ITGAL: variants seen among roughly 807,000 people sequenced by gnomAD.
ITGAL encodes integrin subunit alpha L.
ITGAL carries 68 observed loss-of-function variants against 138.4 expected under a neutral mutation model. That is an observed-to-expected ratio of 0.49 (90% confidence interval 0.40 to 0.60). ITGAL has a LOEUF of 0.60. Among genes scored for constraint, ITGAL ranks in the 20% least tolerant of loss-of-function variants. The pLI is 0.00. For synonymous variants in ITGAL, 561 were observed against 584.3 expected (o/e 0.96, Z 0.57); for missense variants, 1,256 against 1,478.6 (o/e 0.85, Z 2.47).
chr16:30,496,348 A>G (rs1235134054), intron 14 of ITGAL, 54 bp downstream of exon 14: 4 of 1,607,780 alleles, frequency 2.5e-6, no homozygotes, highest in Non-Finnish European at 3.4e-6. Context: ...CTAAGCCCCC[A>G]AGCCCAGACC....
At chr16:30,517,522 AG>A in intron 26 of ITGAL, 126 bp from the exon 27 acceptor site, 1 of 753,780 alleles carries the variant, frequency 1.3e-6, no homozygotes, top group Non-Finnish European at 2.3e-6. Flanking sequence ...GGATGAATTC[AG>A]GTCCTGCTGG....
At chr16:30,517,465 G>GA (rs937113323) in intron 26 of ITGAL, among the ~76,000 whole-genome samples, 184 bp from the exon 27 acceptor site, 4 of 150,860 alleles carry the variant, frequency 2.7e-5, no homozygotes, top group South Asian at 2.1e-4. Context: ...CTCTAACAAA[G>GA]AAAAAAAAAT....
chr16:30,485,350 C>T (rs1279127595), intron 9 of ITGAL, among the ~76,000 whole-genome samples: 2 of 118,804 alleles, frequency 1.7e-5, no homozygotes, highest in African/African-American at 6.4e-5. Flanking sequence ...CCTCAGCCTC[C>T]CGAGCAGCTG....
At chr16:30,519,382 CAA>C (rs1282462433) in intron 29 of ITGAL, among the ~76,000 whole-genome samples, 2 of 136,458 alleles carry the variant, frequency 1.5e-5, no homozygotes, top group Admixed American at 7.4e-5. Context: ...GACCTTATCT[CAA>C]AAAAAAAAAA....
chr16:30,503,286 G>T (rs998809222), intron 17 of ITGAL, among the ~76,000 whole-genome samples: 1 of 151,948 alleles, frequency 6.6e-6, no homozygotes, highest in East Asian at 1.9e-4. Flanking sequence ...CCTCTTATAA[G>T]ATTTAGACAT....
chr16:30,520,118 C>T, intron 30 of ITGAL, 151 bp downstream of exon 30: 1 of 619,758 alleles, frequency 1.6e-6, no homozygotes, highest in Non-Finnish European at 2.9e-6. Flanking sequence ...CCTCCTTCAA[C>T]AGAGAAGGCT....
At chr16:30,511,253 T>C (rs1423171379) in intron 24 of ITGAL, 117 bp downstream of exon 24, 1 of 789,772 alleles carries the variant, frequency 1.3e-6, no homozygotes, top group African/African-American at 1.7e-5. Context: ...TTAGAGCCCC[T>C]TGGGGTAATT....
At position 30,505,199 on chromosome 16, in the gene ITGAL, A is replaced by G. The variant is rs748925512; in HGVS notation, c.2236-45A>G. The G allele has an allele frequency of 2.1e-5, 32 of 1,511,678 alleles. No individual in the cohort carries two copies. The South Asian group carries it at 3.1e-4, about 15-fold the overall frequency. 93.6% of individuals were successfully genotyped at this position (1,511,678 alleles called of 1,614,324 possible). On this transcript the variant is annotated intron_variant, in intron 18 of 30. Coordinates refer to ENST00000356798, the MANE Select transcript of ITGAL (RefSeq NM_002209.3). ...TCTCCTTCATGAGGTCTGCTGCCTC[A>G]GTTAATCTCTCCTCTCTCCATCCTG...
chr16:30,517,473 A>T (rs1481834810), intron 26 of ITGAL, among the ~76,000 whole-genome samples, 176 bp from the exon 27 acceptor site: 2 of 152,024 alleles, frequency 1.3e-5, no homozygotes, highest in Non-Finnish European at 2.9e-5. Context: ...AAGAAAAAAA[A>T]ATCAAGGGGG....
chr16:30,512,308 C>T (rs2051101831), intron 24 of ITGAL, among the ~76,000 whole-genome samples: 1 of 152,074 alleles, frequency 6.6e-6, no homozygotes, highest in South Asian at 2.1e-4. Context: ...GAAACTTGGC[C>T]AGGTGTGGTG....
At position 30,521,508 on chromosome 16, in the gene ITGAL, G is replaced by A. The variant is rs141012481; in HGVS notation, c.3356G>A (p.Arg1119Gln). The change falls in exon 31 of 31, where the codon CGG becomes CAG. Residue 1119 changes from arginine to glutamine, a missense_variant. Arg to Gln is a conservative substitution (Grantham distance 43). Around this residue, in one of 3 missense-constraint regions of ITGAL, gnomAD observed 867 missense variants for 972.5 expected, o/e 0.89. Transcript: ENST00000356798. ...TTTGTACAGGTTGGTTTCTTCAAAC[G>A]GAACCTGAAGGAGAAGATGGAGGCT... ...IVLYKVGFFK[R>Q]NLKEKMEAGR... 3.7e-6 allele frequency: 6 copies of A among 1,613,946 alleles called. No homozygotes were observed. The highest frequency in any genetic ancestry group is 1.7e-5 in the Admixed American group (1 of 59,964).
Position 30,489,271 on chromosome 16 carries a change from G to A in ITGAL, c.1098G>A (p.Gly366=), listed in dbSNP as rs2050691382. ...ADLSRGHAVV[G]AVGAKDWAGG... Reference sequence around the variant, plus strand: ...CTGGGCAGGGCCATGCAGTCGTGGGGGCAGTAGGAGCCAAGGACTGGGCTG... The same window carrying A: ...CTGGGCAGGGCCATGCAGTCGTGGGAGCAGTAGGAGCCAAGGACTGGGCTG... The change falls in exon 11 of 31, where the codon GGG becomes GGA. Residue 366 remains glycine, a synonymous_variant. Coordinates refer to ENST00000356798, the MANE Select transcript of ITGAL (RefSeq NM_002209.3). The A allele has an allele frequency of 1.2e-6, 2 of 1,613,876 alleles. No individual in the cohort carries two copies. Among genetic ancestry groups the A allele is most frequent in the African/African-American group, 1.3e-5 (1 of 74,924 alleles).
intron 6 of ITGAL, among the ~76,000 whole-genome samples, chr16:30,479,965 A>T (rs2050530633): frequency 6.9e-6 from 1 of 144,180 alleles, no homozygotes; most frequent in Admixed American, 7.0e-5. Flanking sequence ...TCTTTTTGAG[A>T]CAGGGTCTCA....
At chr16:30,501,103 C>G (rs1029318913) in intron 17 of ITGAL, among the ~76,000 whole-genome samples, 6 of 152,084 alleles carry the variant, frequency 3.9e-5, no homozygotes, top group Non-Finnish European at 7.3e-5. Context: ...ACCTTGGCCT[C>G]CAAAAGTGCT....
intron 17 of ITGAL, among the ~76,000 whole-genome samples, chr16:30,503,471 C>A (rs1597094131): frequency 4.6e-5 from 5 of 107,678 alleles, no homozygotes; most frequent in Admixed American, 1.2e-4. Flanking sequence ...TAGAGGGGGA[C>A]AGAAGGAGGG....
intron 9 of ITGAL, among the ~76,000 whole-genome samples, chr16:30,485,059 A>C (rs1039844356): frequency 6.6e-6 from 1 of 152,066 alleles, no homozygotes; most frequent in Non-Finnish European, 1.5e-5. Flanking sequence ...TTTAGAAGGA[A>C]TTTAGGAGAG....
chr16:30,492,390 A>G (rs2050736072), intron 11 of ITGAL, among the ~76,000 whole-genome samples: 1 of 151,226 alleles, frequency 6.6e-6, no homozygotes, highest in South Asian at 2.1e-4. Context: ...AGCCGGGACT[A>G]CAGGTGCCCG....
At chr16:30,484,298 C>T (rs1372362420) in intron 9 of ITGAL, 35 bp downstream of exon 9, 1 of 1,592,876 alleles carries the variant, frequency 6.3e-7, no homozygotes, top group South Asian at 1.1e-5. Flanking sequence ...GCTCGGGAGT[C>T]TGCATAAAGA....
chr16:30,493,816 C>T (rs1262363399), intron 11 of ITGAL, among the ~76,000 whole-genome samples: 2 of 152,088 alleles, frequency 1.3e-5, no homozygotes, highest in South Asian at 2.1e-4. Flanking sequence ...TGCTTGAACC[C>T]GGGAGGCGGA....
Sources: gnomAD v4.1 joint callset for allele counts (sites outside exome capture counted in the v4.1 genomes callset) on GRCh38, gnomAD v4.1.1 for gene constraint, gnomAD v4.1.1 regional missense constraint, MANE v1.5 for transcripts, NCBI Gene and HGNC (gene_info 2026-07-23, HGNC 2026-07-21) for gene names.